NPAS3: variants seen among roughly 807,000 people sequenced by gnomAD.
The protein encoded by NPAS3 is neuronal PAS domain-containing protein 3.
NPAS3 carries 14 observed loss-of-function variants against 73.1 expected under a neutral mutation model. The observed-to-expected ratio is 0.19, with a 90% CI of 0.13 to 0.30. The LOEUF is 0.30. Among genes scored for constraint, NPAS3 ranks in the 10% least tolerant of loss-of-function variants. NPAS3 has a pLI of 1.00. For missense variants in NPAS3, 1,096 were observed against 1,250.0 expected, an observed-to-expected ratio of 0.88 and a Z score of 1.86; for synonymous variants, 620 against 541.5, an observed-to-expected ratio of 1.14 and a Z score of -2.01.
chr14:33,624,874 T>A (rs2058178659), intron 5 of NPAS3, among the ~76,000 whole-genome samples: 1 of 152,182 alleles, frequency 6.6e-6, no homozygotes, highest in Non-Finnish European at 1.5e-5. Flanking sequence ...TCCTGCCTAC[T>A]CCTTACATGT....
At chr14:33,358,268 G>C (rs888215786) in intron 3 of NPAS3, among the ~76,000 whole-genome samples, 3 of 152,110 alleles carry the variant, frequency 2.0e-5, no homozygotes, top group Non-Finnish European at 4.4e-5. Context: ...TTGTAAAGTT[G>C]GGGTTTTCAG....
At chr14:33,043,076 C>G (rs978215318) in intron 1 of NPAS3, among the ~76,000 whole-genome samples, 1 of 152,104 alleles carries the variant, frequency 6.6e-6, no homozygotes, top group Non-Finnish European at 1.5e-5. Flanking sequence ...GAGAAATTGC[C>G]ACACTGAAAG....
At chr14:33,595,101 A>G (rs1178666219) in intron 5 of NPAS3, among the ~76,000 whole-genome samples, 1 of 152,196 alleles carries the variant, frequency 6.6e-6, no homozygotes, top group Non-Finnish European at 1.5e-5. Flanking sequence ...TTTTTCCTCA[A>G]AGCTAAATTT....
chr14:33,033,136 T>C (rs2040051272), intron 1 of NPAS3, among the ~76,000 whole-genome samples: 1 of 152,186 alleles, frequency 6.6e-6, no homozygotes, highest in South Asian at 2.1e-4. Context: ...GAAACAAAAT[T>C]AAATTTTTAA....
chr14:33,414,259 T>G (rs1213485946), intron 4 of NPAS3, among the ~76,000 whole-genome samples: 1 of 152,130 alleles, frequency 6.6e-6, no homozygotes, highest in Non-Finnish European at 1.5e-5. Flanking sequence ...CTCCCCCCAC[T>G]GTGAGTCAGC....
chr14:33,148,479 A>G (rs1421539264), intron 2 of NPAS3, among the ~76,000 whole-genome samples: 1 of 152,142 alleles, frequency 6.6e-6, no homozygotes, highest in Non-Finnish European at 1.5e-5. Context: ...CTGTATAGAG[A>G]TACACACTGG....
intron 3 of NPAS3, among the ~76,000 whole-genome samples, chr14:33,296,091 G>GA (rs958203072): frequency 7.9e-5 from 12 of 151,868 alleles, no homozygotes; most frequent in East Asian, 7.7e-4. Context: ...AAACAAAACA[G>GA]AAAAAAAATG....
chr14:32,946,235 G>T (rs1287454318), intron 1 of NPAS3, among the ~76,000 whole-genome samples: 2 of 152,024 alleles, frequency 1.3e-5, no homozygotes, highest in Non-Finnish European at 2.9e-5. Flanking sequence ...TCTTCTGAGA[G>T]CTTTACATGC....
intron 3 of NPAS3, among the ~76,000 whole-genome samples, chr14:33,351,118 T>A (rs1211999229): frequency 3.3e-5 from 5 of 152,232 alleles, no homozygotes; most frequent in Non-Finnish European, 1.5e-5. Context: ...AATGTAGTTT[T>A]AAAAAACTCA....
At chr14:33,125,764 G>A (rs2043404388) in intron 2 of NPAS3, among the ~76,000 whole-genome samples, 1 of 152,004 alleles carries the variant, frequency 6.6e-6, no homozygotes, top group African/African-American at 2.4e-5. Flanking sequence ...GGAGTTAGAA[G>A]AAAGAAACAA....
chr14:33,633,742 G>T (rs1695321947), intron 5 of NPAS3, among the ~76,000 whole-genome samples: 1 of 152,190 alleles, frequency 6.6e-6, no homozygotes. Flanking sequence ...CACCTTGGGA[G>T]GCCAAGGCAG....
intron 7 of NPAS3, among the ~76,000 whole-genome samples, chr14:33,738,070 G>C (rs58873852): frequency 0.076 from 11,488 of 152,138 alleles, 959 homozygotes; most frequent in African/African-American, 0.21. Flanking sequence ...AACATTGACT[G>C]CGTGGCAGCC....
At chr14:32,939,321 CGCCCACCAA>C in exon 1 of NPAS3, 1 of 699,882 alleles carries the variant, frequency 1.4e-6, no homozygotes, top group East Asian at 3.7e-5. Context: ...AGGAAGATGG[CGCCCACCAA>C]GCCCAGCTTT....
At chr14:33,157,428 C>T (rs1202937838) in intron 2 of NPAS3, among the ~76,000 whole-genome samples, 1 of 152,130 alleles carries the variant, frequency 6.6e-6, no homozygotes. Flanking sequence ...AAGAACCTGT[C>T]CTTGGATGAA....
chr14:33,564,211 A>G (rs537177868), intron 5 of NPAS3, among the ~76,000 whole-genome samples: 73 of 152,332 alleles, frequency 4.8e-4, no homozygotes, highest in African/African-American at 1.6e-3. Flanking sequence ...TCTTTATTAA[A>G]GTTTCAGATG....
chr14:33,008,837 G>T (rs2039088865), intron 1 of NPAS3, among the ~76,000 whole-genome samples: 1 of 152,118 alleles, frequency 6.6e-6, no homozygotes, highest in South Asian at 2.1e-4. Flanking sequence ...GACCACTGTG[G>T]TCAGCAATTT....
At position 32,976,316 on chromosome 14, in the gene NPAS3, G is replaced by A. The variant is rs927967504; in HGVS notation, c.50+36950G>A. On this transcript the variant is annotated intron_variant, in intron 1 of 11. Coordinates refer to ENST00000356141, the Ensembl canonical transcript of NPAS3. ...CTGAAATCTGAGGTCTCTGAAGTGC[G>A]TTGTGAATACTCCAGGTGGTTTGTA... is the stretch of plus-strand genomic sequence containing the variant. 9.2e-5 allele frequency among the ~76,000 whole-genome samples: 14 copies of A among 152,200 alleles called. No individual in the cohort carries two copies. The South Asian group carries it at 1.0e-3, about 11-fold the overall frequency.
intron 2 of NPAS3, among the ~76,000 whole-genome samples, chr14:33,087,659 A>G (rs998955634): frequency 6.6e-6 from 1 of 152,138 alleles, no homozygotes; most frequent in African/African-American, 2.4e-5. Context: ...TGGTTGGGGG[A>G]GAAATGTAAT....
In NPAS3 at chr14:33,600,496, A is replaced by G. The variant is rs897801431; in HGVS notation, c.558+40286A>G. ...GGGATCAACAAATGTAAACTGAATG[A>G]ATAGAATTGTATATAGAATAAATAG... On this transcript the variant is annotated intron_variant, in intron 5 of 11. Transcript: ENST00000356141. Among the ~76,000 whole-genome samples the G allele has an allele frequency of 8.5e-5, 13 of 152,334 alleles. No homozygotes were observed. In the Middle Eastern group the frequency reaches 0.014, roughly 159 times the overall value.
Sources: gnomAD v4.1 joint callset for allele counts (sites outside exome capture counted in the v4.1 genomes callset) on GRCh38, gnomAD v4.1.1 for gene constraint, MANE v1.5 for transcripts, NCBI Gene and HGNC (gene_info 2026-07-23, HGNC 2026-07-21) for gene names.